The following KIF16B variants were observed in gnomAD, a reference collection of about 807,000 sequenced individuals.
KIF16B encodes the protein kinesin-like protein KIF16B.
KIF16B carries 98 observed loss-of-function variants against 156.3 expected under a neutral mutation model. That is an observed-to-expected ratio of 0.63 (90% CI 0.53 to 0.74). KIF16B has a LOEUF of 0.74. KIF16B is among the 30% of genes least tolerant of loss of function. The pLI, the probability that KIF16B is intolerant of heterozygous loss-of-function variation, is 0.00. For synonymous variants in KIF16B, 564 were observed against 583.7 expected (o/e 0.97, Z 0.49); for missense variants, 1,421 against 1,606.5 (o/e 0.88, Z 1.97).
intron 12 of KIF16B, among the ~76,000 whole-genome samples, chr20:16,431,487 C>T (rs1269000138): frequency 6.6e-6 from 1 of 152,196 alleles, no homozygotes; most frequent in African/African-American, 2.4e-5. Context: ...GGGATGCACT[C>T]ACTGCGGTTC....
chr20:16,500,477 A>T (rs1305394246), intron 10 of KIF16B, among the ~76,000 whole-genome samples: 1 of 152,128 alleles, frequency 6.6e-6, no homozygotes, highest in Non-Finnish European at 1.5e-5. Context: ...CTATGTTCTT[A>T]CTTTTGTCTA....
intron 17 of KIF16B, among the ~76,000 whole-genome samples, chr20:16,384,115 GTGAGCTGCAAGGTCTCAA>G (rs2065170570): frequency 2.0e-5 from 3 of 152,202 alleles, no homozygotes; most frequent in Non-Finnish European, 4.4e-5. Context: ...GTTGCTACTA[GTGAGCTGCAAGGTCTCAA>G]GGAGGTAATC....
At position 16,425,214 on chromosome 20, in the gene KIF16B, C is replaced by T. The variant is rs59690233; in HGVS notation, c.1612+1890G>A. ...TGGAATATCTTGTGTCAGAAAGTAA[C>T]GAAGTGTTTACAGAACAGTGAGGAC... is the stretch of plus-strand genomic sequence containing the variant. On this transcript the variant is annotated intron_variant, in intron 15 of 25. Transcript: ENST00000354981. 3.8e-3 allele frequency among the ~76,000 whole-genome samples: 577 copies of T among 152,140 alleles called. 3 individuals are homozygous for T. The highest frequency in any genetic ancestry group is 0.024 in the Middle Eastern group (7 of 294).
chr20:16,504,536 C>T lies in KIF16B; in HGVS notation c.1012G>A (p.Ala338Thr), dbSNP rs773767835. The T allele has an allele frequency of 6.2e-6, 10 of 1,613,486 alleles. No individual in the cohort carries two copies. Among genetic ancestry groups the T allele is most frequent in the Non-Finnish European group, 8.5e-6 (10 of 1,179,568 alleles). ...KTIMIATISP[A>T]DVNYGETLST... is the part of the protein sequence containing the mutation. ...AGGGTTTCTCCATAATTGACATCAG[C>T]AGGTGAAATGGCTGTGAAGAATGTA... is the stretch of plus-strand genomic sequence containing the variant. Residue 338 changes from alanine (A) to threonine (T), a missense_variant, in exon 10 of 26, where the codon GCT becomes ACT. By Grantham distance (58) the Ala-to-Thr change is moderately conservative. Transcript: ENST00000354981.
At chr20:16,532,694 T>C (rs879815908) in intron 1 of KIF16B, among the ~76,000 whole-genome samples, 3 of 152,220 alleles carry the variant, frequency 2.0e-5, no homozygotes, top group Admixed American at 2.0e-4. Flanking sequence ...ACTAACCTAA[T>C]GCATCTAGAG....
intron 6 of KIF16B, among the ~76,000 whole-genome samples, chr20:16,510,267 T>C (rs1052631544): frequency 1.3e-5 from 2 of 152,202 alleles, no homozygotes; most frequent in South Asian, 2.1e-4. Context: ...TTAACAGTAA[T>C]AGCTATACCA....
rs75658317 is a variant in KIF16B, at chr20:16,510,164, T to C, written c.556+1254A>G. 7.2e-5 allele frequency among the ~76,000 whole-genome samples: 11 copies of C among 152,328 alleles called. No individual in the cohort carries two copies. The East Asian group carries it at 2.1e-3, about 29-fold the overall frequency. On this transcript the variant is annotated intron_variant, in intron 6 of 25. Transcript: ENST00000354981. ...ATTCTGGATGTTTGCTCTGTTTTGC[T>C]ATTCTATCTCTTCATACACCAGTTT...
At chr20:16,349,546 C>A (rs190981862) in intron 23 of KIF16B, among the ~76,000 whole-genome samples, 1 of 152,286 alleles carries the variant, frequency 6.6e-6, no homozygotes, top group Admixed American at 6.5e-5. Context: ...AGGATCTTGG[C>A]AAATCTGGGT....
intron 12 of KIF16B, among the ~76,000 whole-genome samples, chr20:16,487,207 G>C (rs982352369): frequency 6.6e-6 from 1 of 151,782 alleles, no homozygotes; most frequent in South Asian, 2.1e-4. Flanking sequence ...AGCCAAGATC[G>C]CGCCACTGCA....
chr20:16,284,886 A>C (rs911865269), intron 25 of KIF16B, among the ~76,000 whole-genome samples: 1 of 152,214 alleles, frequency 6.6e-6, no homozygotes, highest in African/African-American at 2.4e-5. Context: ...CCCACGGTCC[A>C]GGCCTGAGAC....
chr20:16,384,614 T>C (rs1194678866), intron 17 of KIF16B, among the ~76,000 whole-genome samples: 1 of 152,076 alleles, frequency 6.6e-6, no homozygotes, highest in Non-Finnish European at 1.5e-5. Context: ...ACACATACTC[T>C]TGGTGTTTTG....
intron 25 of KIF16B, among the ~76,000 whole-genome samples, chr20:16,289,815 T>C (rs1211527167): frequency 4.6e-5 from 7 of 152,216 alleles, no homozygotes; most frequent in Non-Finnish European, 8.8e-5. Flanking sequence ...CACTCCAACC[T>C]GGGTGACAGA....
At chr20:16,277,166 T>G (rs2063074731) in intron 25 of KIF16B, among the ~76,000 whole-genome samples, 2 of 152,190 alleles carry the variant, frequency 1.3e-5, no homozygotes, top group South Asian at 4.1e-4. Flanking sequence ...GCCGTGTCTG[T>G]GAGATGCGGC....
At chr20:16,353,235 A>G (rs989452502) in intron 23 of KIF16B, among the ~76,000 whole-genome samples, 5 of 152,216 alleles carry the variant, frequency 3.3e-5, no homozygotes, top group African/African-American at 9.6e-5. Context: ...ATATTACCAT[A>G]TATTACCATA....
intron 25 of KIF16B, among the ~76,000 whole-genome samples, chr20:16,301,325 G>A (rs1229120059): frequency 6.6e-6 from 1 of 152,160 alleles, no homozygotes; most frequent in East Asian, 1.9e-4. Context: ...GAGAGGGCAC[G>A]TTTCAACTTC....
chr20:16,285,470 G>GT (rs2063209608), intron 25 of KIF16B, among the ~76,000 whole-genome samples: 2 of 152,202 alleles, frequency 1.3e-5, no homozygotes, highest in East Asian at 1.9e-4. Flanking sequence ...ATTGTTATTA[G>GT]TTTTTTTGCG....
intron 12 of KIF16B, among the ~76,000 whole-genome samples, chr20:16,480,391 G>T (rs913849530): frequency 1.3e-5 from 2 of 152,166 alleles, no homozygotes; most frequent in Non-Finnish European, 2.9e-5. Context: ...CTACCCACTT[G>T]TGATTGAAAA....
intron 1 of KIF16B, among the ~76,000 whole-genome samples, chr20:16,551,615 T>C (rs944365053): frequency 3.9e-5 from 6 of 152,206 alleles, no homozygotes; most frequent in East Asian, 1.9e-4. Context: ...GTTCTTATCA[T>C]TGAAGAATTC....
At chr20:16,349,375 G>A (rs1330902846) in intron 23 of KIF16B, among the ~76,000 whole-genome samples, 2 of 152,138 alleles carry the variant, frequency 1.3e-5, no homozygotes, top group African/African-American at 4.8e-5. Context: ...ATCCCTGGAG[G>A]CCACCATGTC....
Sources: gnomAD v4.1 joint callset for allele counts (sites outside exome capture counted in the v4.1 genomes callset) on GRCh38, gnomAD v4.1.1 for gene constraint, MANE v1.5 for transcripts, NCBI Gene and HGNC (gene_info 2026-07-23, HGNC 2026-07-21) for gene names.